Variants in CFAP44 observed in about 807,000 individuals in gnomAD.
The protein encoded by CFAP44 is cilia- and flagella-associated protein 44.
Under a neutral mutation model 216.2 loss-of-function variants are expected in CFAP44, and 134 were observed. The ratio of observed to expected loss-of-function variants is 0.62; its 90% CI spans 0.54 to 0.72. The LOEUF (loss-of-function observed/expected upper bound fraction) is 0.72, where lower values mean the gene tolerates loss of function less well. CFAP44 is among the 30% of genes least tolerant of loss of function. The pLI is 0.00. For synonymous variants in CFAP44, 700 were observed against 727.6 expected (o/e 0.96, Z 0.61); for missense variants, 2,035 against 2,182.1 (o/e 0.93, Z 1.34).
In CFAP44 at chr3:113,321,109, C is replaced by T. The variant is rs114178193; in HGVS notation, c.4516+5336G>A. 7.9e-3 allele frequency among the ~76,000 whole-genome samples: 1,209 copies of T among 152,192 alleles called. 10 individuals carry two copies. The highest frequency in any genetic ancestry group is 0.027 in the African/African-American group (1,140 of 41,524). On this transcript the variant is annotated intron_variant, in intron 28 of 34. Coordinates refer to ENST00000393845, the MANE Select transcript of CFAP44 (RefSeq NM_001164496.2). ...GGCTAATATCTCTGATGAGCATAGA[C>T]GCAAAAATATTCAAAACATACTAGC...
intron 28 of CFAP44, among the ~76,000 whole-genome samples, chr3:113,311,133 C>T (rs1446584781): frequency 6.6e-6 from 1 of 152,020 alleles, no homozygotes; most frequent in East Asian, 1.9e-4. Flanking sequence ...TTTAAAACAG[C>T]CATGATAAAA....
chr3:113,355,308 C>T (rs939864747), intron 22 of CFAP44, among the ~76,000 whole-genome samples: 1 of 152,144 alleles, frequency 6.6e-6, no homozygotes, highest in African/African-American at 2.4e-5. Flanking sequence ...ATCACGAGGT[C>T]AAGAGTTCAA....
chr3:113,377,526 C>T (rs892154005), intron 17 of CFAP44, among the ~76,000 whole-genome samples: 1 of 151,942 alleles, frequency 6.6e-6, no homozygotes, highest in Non-Finnish European at 1.5e-5. Context: ...GCAAAAAAAA[C>T]CAGCACTTAT....
At position 113,379,022 on chromosome 3, in the gene CFAP44, T is replaced by A. The variant is rs115897524; in HGVS notation, c.2298+284A>T. 2.7e-3 allele frequency among the ~76,000 whole-genome samples: 406 copies of A among 152,278 alleles called. 2 individuals are homozygous for A. The highest frequency in any genetic ancestry group is 9.4e-3 in the African/African-American group (389 of 41,552). ...CTCTTTGACCTGCCTGGAACATGTATGATTGACAAGCAGATAATAGATAAT... is the reference window on the plus strand; with the variant it reads ...CTCTTTGACCTGCCTGGAACATGTAAGATTGACAAGCAGATAATAGATAAT... On this transcript the variant is annotated intron_variant, in intron 17 of 34. Coordinates refer to ENST00000393845, the MANE Select transcript of CFAP44 (RefSeq NM_001164496.2).
At chr3:113,379,246 C>A in intron 17 of CFAP44, 60 bp downstream of exon 17, 2 of 1,210,492 alleles carry the variant, frequency 1.7e-6, no homozygotes, top group East Asian at 2.8e-5. Flanking sequence ...AATGAAGTTA[C>A]AATAACTATA....
rs1352784208 is a variant in CFAP44, at chr3:113,366,252, G to A, written c.2502C>T (p.Val834=). ...GMKNGAIRVY[V]LNQNDPSLTS... ...TCAATGAAGGATCATTTTGATTTAG[G>A]ACATAGACTCGAATTGCTCCATTTT... The change falls in exon 19 of 35, where the codon GTC becomes GTT. Residue 834 remains valine, a synonymous_variant. Transcript: ENST00000393845. The A allele has an allele frequency of 2.0e-5, 32 of 1,613,212 alleles. No individual in the cohort carries two copies. The highest frequency in any genetic ancestry group is 2.7e-5 in the Non-Finnish European group (32 of 1,179,486).
chr3:113,421,409 A>G (rs1210710110), intron 4 of CFAP44, among the ~76,000 whole-genome samples: 1 of 152,236 alleles, frequency 6.6e-6, no homozygotes, highest in Non-Finnish European at 1.5e-5. Context: ...AAATCAGTTC[A>G]GCCACTGTGG....
intron 34 of CFAP44, 71 bp downstream of exon 34, chr3:113,294,616 A>C (rs1353663392): frequency 6.9e-7 from 1 of 1,452,474 alleles, no homozygotes; most frequent in South Asian, 1.5e-5. Flanking sequence ...AGTACTTAAC[A>C]TTCTTGTGAA....
intron 6 of CFAP44, 62 bp from the exon 7 acceptor site, chr3:113,409,384 T>C (rs1442180468): frequency 2.7e-6 from 4 of 1,494,184 alleles, no homozygotes; most frequent in South Asian, 2.4e-5. Context: ...CAAAAACATA[T>C]TGTAAAAAAA....
chr3:113,365,587 T>C (rs1035097041), intron 19 of CFAP44, among the ~76,000 whole-genome samples: 1 of 152,224 alleles, frequency 6.6e-6, no homozygotes, highest in Non-Finnish European at 1.5e-5. Context: ...TCTTTAATCA[T>C]GACCCACATT....
rs375511670 is a variant in CFAP44 at position 113,437,571 on chromosome 3, T to C, written c.-6+3882A>G. Among the ~76,000 whole-genome samples, 42 of 152,332 alleles carry C rather than the reference T, an allele frequency of 2.8e-4. 1 individual carries two copies. Among genetic ancestry groups the C allele is most frequent in the African/African-American group, 9.1e-4 (38 of 41,582 alleles). ...CAAACCCAGTTAATGTCAGGTTGTG[T>C]ACAATGTGGAAGAAAATACTGGAAA... is the stretch of plus-strand genomic sequence containing the variant. On this transcript the variant is annotated intron_variant, in intron 1 of 34. Coordinates refer to ENST00000393845, the MANE Select transcript of CFAP44 (RefSeq NM_001164496.2).
chr3:113,414,161 G>C (rs1934576158), intron 6 of CFAP44, among the ~76,000 whole-genome samples: 1 of 152,098 alleles, frequency 6.6e-6, no homozygotes, highest in South Asian at 2.1e-4. Context: ...CTCTCTGCTT[G>C]TCTATTGTTG....
At chr3:113,313,522 C>T (rs889479256) in intron 28 of CFAP44, among the ~76,000 whole-genome samples, 1 of 152,032 alleles carries the variant, frequency 6.6e-6, no homozygotes, top group African/African-American at 2.4e-5. Flanking sequence ...AATGTAAGGA[C>T]ATGAGATTTG....
At chr3:113,345,091 T>G (rs1474152017) in intron 22 of CFAP44, among the ~76,000 whole-genome samples, 1 of 148,396 alleles carries the variant, frequency 6.7e-6, no homozygotes, top group Non-Finnish European at 1.5e-5. Context: ...ATATTATATA[T>G]TATGTATATA....
At chr3:113,350,277 AAAG>A (rs1315819473) in intron 22 of CFAP44, among the ~76,000 whole-genome samples, 2 of 152,080 alleles carry the variant, frequency 1.3e-5, no homozygotes, top group African/African-American at 4.8e-5. Context: ...AGAGACAGAC[AAAG>A]AAGGAGTCAG....
intron 32 of CFAP44, among the ~76,000 whole-genome samples, chr3:113,298,916 G>A (rs944371150): frequency 2.0e-5 from 3 of 152,144 alleles, no homozygotes; most frequent in Admixed American, 1.3e-4. Flanking sequence ...GGTGGTGATG[G>A]TTGCACAATC....
At chr3:113,428,218 A>G (rs1935014038) in intron 2 of CFAP44, among the ~76,000 whole-genome samples, 1 of 152,094 alleles carries the variant, frequency 6.6e-6, no homozygotes, top group Non-Finnish European at 1.5e-5. Flanking sequence ...ACCAAAGACT[A>G]TTTCCTCATT....
chr3:113,385,856 C>G (rs1933637079), intron 15 of CFAP44, among the ~76,000 whole-genome samples: 1 of 151,166 alleles, frequency 6.6e-6, no homozygotes, highest in Non-Finnish European at 1.5e-5. Flanking sequence ...GTTGACCAGG[C>G]TTGTCTCAAA....
At chr3:113,385,185 C>T in intron 15 of CFAP44, among the ~76,000 whole-genome samples, 1 of 152,166 alleles carries the variant, frequency 6.6e-6, no homozygotes, top group African/African-American at 2.4e-5. Context: ...TGAGGCCTCC[C>T]CAGCCATGAG....
Sources: allele counts gnomAD v4.1 joint callset (sites outside exome capture counted in the v4.1 genomes callset), GRCh38; gene constraint gnomAD v4.1.1; transcripts MANE v1.5; gene names NCBI Gene and HGNC (gene_info 2026-07-23, HGNC 2026-07-21).